The following CADPS variants were observed in gnomAD, a reference collection of about 807,000 sequenced individuals.
The protein encoded by CADPS is calcium-dependent secretion activator 1.
In CADPS, 57 loss-of-function variants were observed where a neutral mutation model predicts 167.3. The ratio of observed to expected loss-of-function variants is 0.34; its 90% CI spans 0.28 to 0.42. The LOEUF (loss-of-function observed/expected upper bound fraction) is 0.42. Ranked by LOEUF, CADPS falls within the 20% of genes least tolerant of loss-of-function variation. The probability of loss-of-function intolerance (pLI) is 1.00; values close to 1 mark genes in which losing one functional copy is unlikely to be tolerated. For synonymous variants in CADPS, 676 were observed against 635.3 expected, an observed-to-expected ratio of 1.06 and a Z score of -0.96; for missense variants, 1,414 against 1,738.1, an observed-to-expected ratio of 0.81 and a Z score of 3.32.
intron 8 of CADPS, among the ~76,000 whole-genome samples, chr3:62,571,891 G>A (rs572728899): frequency 2.4e-4 from 37 of 152,244 alleles, no homozygotes; most frequent in African/African-American, 8.9e-4. Context: ...ATCAATTCAT[G>A]TATTATCCTA....
At chr3:62,634,585 A>T (rs992105806) in intron 6 of CADPS, among the ~76,000 whole-genome samples, 3 of 152,190 alleles carry the variant, frequency 2.0e-5, no homozygotes, top group African/African-American at 7.2e-5. Context: ...ATGATTATCT[A>T]TGTGTTTCCA....
chr3:62,469,010 T>A (rs2060262721), intron 24 of CADPS, among the ~76,000 whole-genome samples: 1 of 152,214 alleles, frequency 6.6e-6, no homozygotes, highest in Admixed American at 6.5e-5. Flanking sequence ...CTACTATGAT[T>A]AATAGATTAA....
intron 3 of CADPS, among the ~76,000 whole-genome samples, chr3:62,715,814 T>A (rs1264763838): frequency 1.5e-5 from 2 of 132,354 alleles, no homozygotes; most frequent in African/African-American, 5.6e-5. Flanking sequence ...TGGAGTGCAG[T>A]GGCGCGATCT....
intron 6 of CADPS, among the ~76,000 whole-genome samples, chr3:62,624,336 C>CCA (rs1349867556): frequency 3.9e-5 from 6 of 152,068 alleles, no homozygotes; most frequent in Admixed American, 6.6e-5. Context: ...CATTCCCATC[C>CCA]CAGTGTATTT....
chr3:62,464,335 G>A (rs1305777138), intron 26 of CADPS, among the ~76,000 whole-genome samples: 2 of 152,162 alleles, frequency 1.3e-5, no homozygotes, highest in Non-Finnish European at 1.5e-5. Flanking sequence ...CCTTGTCTTG[G>A]CATTCAGTCA....
intron 3 of CADPS, among the ~76,000 whole-genome samples, chr3:62,738,118 T>C (rs1387613885): frequency 6.6e-6 from 1 of 152,206 alleles, no homozygotes; most frequent in African/African-American, 2.4e-5. Flanking sequence ...TGTTTTATCA[T>C]TAATGGTGCA....
rs187250121 is a variant in CADPS at position 62,482,424 on chromosome 3, T to C, written c.3027-555A>G. Among the ~76,000 whole-genome samples, 3 of 152,334 alleles carry C rather than the reference T, an allele frequency of 2.0e-5. No individual in the cohort carries two copies. In the East Asian group the frequency reaches 5.8e-4, roughly 29 times the overall value. On this transcript the variant is annotated intron_variant, in intron 21 of 29. Transcript: ENST00000383710. ...AACCAAGCTCTTTCTAACTGCTGCT[T>C]CTAAAGACAGGTGTATGGGCAATGG...
At position 62,420,059 on chromosome 3, in the gene CADPS, G is replaced by T. The variant is rs2050972943; in HGVS notation, c.3778-16874C>A. Among the ~76,000 whole-genome samples the T allele has an allele frequency of 6.6e-6, 1 of 152,026 alleles. No individual in the cohort carries two copies. The highest frequency in any genetic ancestry group is 6.6e-5 in the Admixed American group (1 of 15,266). On this transcript the variant is annotated intron_variant, in intron 28 of 29. Coordinates refer to ENST00000383710, the MANE Select transcript of CADPS (RefSeq NM_003716.4). This position sits in a 1 kb window ranked among gnomAD's most constrained non-coding sequence, Gnocchi z 4.1. ...TCATCATTACTCTCAACATACAAAA[G>T]CATGGTCTATGTATGTACATAATTT...
intron 6 of CADPS, among the ~76,000 whole-genome samples, chr3:62,611,794 G>C (rs2061535281): frequency 6.6e-6 from 1 of 152,142 alleles, no homozygotes; most frequent in Non-Finnish European, 1.5e-5. Flanking sequence ...GCTTGTTCCA[G>C]GAGTGCTGGG....
At chr3:62,604,401 T>A (rs2060404977) in intron 6 of CADPS, among the ~76,000 whole-genome samples, 1 of 152,210 alleles carries the variant, frequency 6.6e-6, no homozygotes, top group Non-Finnish European at 1.5e-5. Context: ...ACAGGAACAA[T>A]GACTTCCAAG....
chr3:62,828,803 T>C (rs1025461233), intron 1 of CADPS, among the ~76,000 whole-genome samples: 3 of 152,208 alleles, frequency 2.0e-5, no homozygotes, highest in South Asian at 2.1e-4. Context: ...AAGTTGCAAA[T>C]TGACTGCTTA....
At chr3:62,450,686 A>C (rs1201254134) in intron 26 of CADPS, among the ~76,000 whole-genome samples, 1 of 152,222 alleles carries the variant, frequency 6.6e-6, no homozygotes, top group Non-Finnish European at 1.5e-5. Flanking sequence ...GACGGAGGCT[A>C]AGGATAAAAT....
intron 6 of CADPS, among the ~76,000 whole-genome samples, chr3:62,595,416 T>C (rs1006947573): frequency 5.9e-5 from 9 of 152,124 alleles, no homozygotes; most frequent in African/African-American, 2.2e-4. Flanking sequence ...TTAGTTCAAA[T>C]TCTGGCTTAG....
chr3:62,517,494 A>G (rs1463755170), intron 14 of CADPS, among the ~76,000 whole-genome samples: 1 of 152,148 alleles, frequency 6.6e-6, no homozygotes, highest in Non-Finnish European at 1.5e-5. Flanking sequence ...CCAGTTCTAT[A>G]TCTGGTATAT....
chr3:62,485,757 T>C (rs2062721329), intron 21 of CADPS, among the ~76,000 whole-genome samples: 1 of 152,086 alleles, frequency 6.6e-6, no homozygotes, highest in Admixed American at 6.6e-5. Context: ...CTGTTATAGG[T>C]GTTAGGGAGG....
chr3:62,825,581 T>C (rs927031164), intron 1 of CADPS, among the ~76,000 whole-genome samples: 1 of 152,090 alleles, frequency 6.6e-6, no homozygotes. Flanking sequence ...TCCAATCCCT[T>C]GTTGGTGAGG....
intron 28 of CADPS, chr3:62,404,139 C>T (rs933579776): frequency 6.6e-6 from 1 of 152,138 alleles, no homozygotes; most frequent in East Asian, 1.9e-4. Flanking sequence ...GCCGCTTATA[C>T]CAAACAATTT....
intron 3 of CADPS, among the ~76,000 whole-genome samples, chr3:62,725,560 C>T (rs539695845): frequency 6.7e-6 from 1 of 149,534 alleles, no homozygotes; most frequent in East Asian, 1.9e-4. Context: ...ACCATTGAAG[C>T]AAGAATGATA....
chr3:62,723,761 G>T (rs1466615706), intron 3 of CADPS, among the ~76,000 whole-genome samples: 1 of 152,232 alleles, frequency 6.6e-6, no homozygotes, highest in African/African-American at 2.4e-5. Flanking sequence ...AATGCGAGAA[G>T]CCTGCTGCTC....
Sources: allele counts gnomAD v4.1 joint callset (sites outside exome capture counted in the v4.1 genomes callset), GRCh38; gene constraint gnomAD v4.1.1; non-coding constraint Gnocchi (gnomAD v3.1); transcripts MANE v1.5; gene names NCBI Gene and HGNC (gene_info 2026-07-23, HGNC 2026-07-21).